Variants in FRMD4A observed in about 807,000 individuals in gnomAD.
FRMD4A encodes the protein FERM domain containing 4A.
In FRMD4A, 29 loss-of-function variants were observed where a neutral mutation model predicts 129.1. The ratio of observed to expected loss-of-function variants is 0.22; its 90% CI spans 0.17 to 0.31. The LOEUF (loss-of-function observed/expected upper bound fraction) is 0.31, where lower values mean the gene tolerates loss of function less well. Ranked by LOEUF, FRMD4A falls within the 10% of genes least tolerant of loss-of-function variation. FRMD4A has a pLI of 1.00. For synonymous variants in FRMD4A, 634 were observed against 571.6 expected (o/e 1.11, Z -1.56); for missense variants, 1,272 against 1,375.8 (o/e 0.92, Z 1.19).
chr10:13,663,703 C>G (rs962036299), intron 18 of FRMD4A, among the ~76,000 whole-genome samples, 194 bp from the exon 19 acceptor site: 28 of 152,164 alleles, frequency 1.8e-4, no homozygotes, highest in Non-Finnish European at 1.3e-4. Context: ...TCAGCCTCCC[C>G]ACCCCGACAC....
At chr10:13,858,964 G>C in intron 2 of FRMD4A, 52 bp from the exon 3 acceptor site, 1 of 1,126,772 alleles carries the variant, frequency 8.9e-7, no homozygotes, top group Non-Finnish European at 1.4e-6. Context: ...CCAGACAAAG[G>C]GTTAGAGGGT....
intron 2 of FRMD4A, among the ~76,000 whole-genome samples, chr10:14,304,822 C>T (rs1438375591): frequency 6.6e-6 from 1 of 152,230 alleles, no homozygotes; most frequent in African/African-American, 2.4e-5. Context: ...ACTCACTCCA[C>T]CAGTGGTGAT....
At chr10:14,101,164 CA>C (rs35692541) in intron 2 of FRMD4A, among the ~76,000 whole-genome samples, 2 of 152,166 alleles carry the variant, frequency 1.3e-5, no homozygotes, top group Admixed American at 6.5e-5. Context: ...TGACTTATAA[CA>C]AAAAAGTTTG....
At chr10:14,291,912 A>T (rs1183295013) in intron 2 of FRMD4A, among the ~76,000 whole-genome samples, 1 of 152,114 alleles carries the variant, frequency 6.6e-6, no homozygotes, top group Non-Finnish European at 1.5e-5. Context: ...TAATTTGTTA[A>T]ATTTAGTCAT....
Position 14,206,537 on chromosome 10 carries a change from CCTGTAA to C in FRMD4A, c.45+123515_45+123520del, listed in dbSNP as rs573131393. Among the ~76,000 whole-genome samples the C allele has an allele frequency of 1.4e-4, 22 of 152,184 alleles. No homozygotes were observed. In the South Asian group the frequency reaches 4.6e-3, roughly 32 times the overall value. ...GAAAGACTGGGCTCAGTGGCTCACG[CCTGTAA>C]TCCCAACACTTTGGGAGGCCGAGGC... On this transcript the variant is annotated intron_variant, in intron 2 of 24. Transcript: ENST00000357447.
At chr10:13,814,151 G>C (rs2093496095) in intron 3 of FRMD4A, among the ~76,000 whole-genome samples, 1 of 152,208 alleles carries the variant, frequency 6.6e-6, no homozygotes, top group Non-Finnish European at 1.5e-5. Flanking sequence ...GATAGAGGAG[G>C]AGGAATGGGT....
At chr10:14,022,256 T>C (rs1255917339) in intron 2 of FRMD4A, among the ~76,000 whole-genome samples, 1 of 152,134 alleles carries the variant, frequency 6.6e-6, no homozygotes, top group Non-Finnish European at 1.5e-5. Context: ...GAGAATTTCA[T>C]TGAGGCTTGA....
intron 6 of FRMD4A, among the ~76,000 whole-genome samples, chr10:13,780,580 G>A (rs1264180514): frequency 6.6e-6 from 1 of 152,210 alleles, no homozygotes; most frequent in African/African-American, 2.4e-5. Context: ...GCGGACATAT[G>A]CTCAACATCA....
chr10:14,205,715 G>A (rs182386616), intron 2 of FRMD4A, among the ~76,000 whole-genome samples: 2 of 151,490 alleles, frequency 1.3e-5, no homozygotes, highest in African/African-American at 4.9e-5. Context: ...GCTGAGGTGG[G>A]AGAATCACTT....
chr10:14,199,405 C>G (rs571151407), intron 2 of FRMD4A, among the ~76,000 whole-genome samples: 3 of 148,664 alleles, frequency 2.0e-5, no homozygotes, highest in African/African-American at 7.7e-5. Flanking sequence ...GCAATCTCCA[C>G]CTCCCGGGCT....
chr10:14,223,955 C>T (rs55644331), intron 2 of FRMD4A, among the ~76,000 whole-genome samples: 5 of 152,038 alleles, frequency 3.3e-5, no homozygotes, highest in Admixed American at 2.6e-4. Context: ...AAAAGATTTT[C>T]GGGGACCCTT....
chr10:14,271,884 G>C (rs954977039), intron 2 of FRMD4A, among the ~76,000 whole-genome samples: 1 of 152,118 alleles, frequency 6.6e-6, no homozygotes, highest in African/African-American at 2.4e-5. Flanking sequence ...CGTGGCCAAT[G>C]TCACGGCATT....
intron 2 of FRMD4A, among the ~76,000 whole-genome samples, chr10:13,959,471 TAAAAAAAAAAAA>T (rs56192445): frequency 3.8e-5 from 2 of 53,108 alleles, no homozygotes; most frequent in Admixed American, 3.2e-4. Flanking sequence ...GACTGTTTCA[TAAAAAAAAAAAA>T]AAAAAAAAAA....
At chr10:13,942,129 G>A (rs1438210129) in intron 2 of FRMD4A, among the ~76,000 whole-genome samples, 6 of 152,100 alleles carry the variant, frequency 3.9e-5, no homozygotes, top group Non-Finnish European at 8.8e-5. Context: ...TGTGATGGAG[G>A]GACCCTATCC....
chr10:13,867,831 A>G (rs1406476787), intron 2 of FRMD4A, among the ~76,000 whole-genome samples: 4 of 138,490 alleles, frequency 2.9e-5, no homozygotes, highest in Non-Finnish European at 6.1e-5. Flanking sequence ...AATATATAAT[A>G]TATAATAAAT....
chr10:13,970,067 G>A (rs1401303845), intron 2 of FRMD4A, among the ~76,000 whole-genome samples: 2 of 152,088 alleles, frequency 1.3e-5, no homozygotes, highest in Non-Finnish European at 2.9e-5. Flanking sequence ...TCCCAGCTGG[G>A]GGATTTTTTT....
intron 11 of FRMD4A, among the ~76,000 whole-genome samples, chr10:13,738,467 G>C (rs1372886344): frequency 6.6e-6 from 1 of 152,120 alleles, no homozygotes; most frequent in South Asian, 2.1e-4. Flanking sequence ...CCCCAGCTCC[G>C]GGGAGCACAG....
chr10:14,288,208 A>AGTTGGG (rs769832723), intron 2 of FRMD4A, among the ~76,000 whole-genome samples: 45 of 152,304 alleles, frequency 3.0e-4, no homozygotes, highest in Non-Finnish European at 5.1e-4. Flanking sequence ...GATTCATAAC[A>AGTTGGG]AAGTTCACAG....
chr10:14,301,874 G>C (rs1846196751), intron 2 of FRMD4A, among the ~76,000 whole-genome samples: 1 of 152,168 alleles, frequency 6.6e-6, no homozygotes, highest in African/African-American at 2.4e-5. Context: ...AGAGTAGGCT[G>C]TATAACCCTG....
Sources: gnomAD v4.1 joint callset for allele counts (sites outside exome capture counted in the v4.1 genomes callset) on GRCh38, gnomAD v4.1.1 for gene constraint, MANE v1.5 for transcripts, NCBI Gene and HGNC (gene_info 2026-07-23, HGNC 2026-07-21) for gene names.